Variants in NR3C2 observed in about 807,000 individuals in gnomAD.
The protein encoded by NR3C2 is nuclear receptor subfamily 3 group C member 2.
NR3C2 carries 15 observed loss-of-function variants against 86.4 expected under a neutral mutation model. That is an observed-to-expected ratio of 0.17 (90% CI 0.12 to 0.27). NR3C2 has a LOEUF of 0.27. NR3C2 is among the 10% of genes least tolerant of loss of function. The pLI, the probability that NR3C2 is intolerant of heterozygous loss-of-function variation, is 1.00. For synonymous variants in NR3C2, 458 were observed against 450.5 expected, an observed-to-expected ratio of 1.02 and a Z score of -0.21; for missense variants, 960 against 1,195.6, an observed-to-expected ratio of 0.80 and a Z score of 2.91.
At chr4:148,175,076 G>A (rs748300171) in intron 4 of NR3C2, among the ~76,000 whole-genome samples, 11 of 152,096 alleles carry the variant, frequency 7.2e-5, no homozygotes, top group Non-Finnish European at 1.3e-4. Context: ...TTGAAACATC[G>A]TATTCAGGGA....
chr4:148,322,267 T>A (rs1743649734), intron 2 of NR3C2, among the ~76,000 whole-genome samples: 1 of 149,776 alleles, frequency 6.7e-6, no homozygotes, highest in African/African-American at 2.5e-5. Flanking sequence ...CTGATGGGCT[T>A]CCCTTTGAGG....
At chr4:148,395,380 T>C (rs968315419) in intron 2 of NR3C2, among the ~76,000 whole-genome samples, 4 of 152,156 alleles carry the variant, frequency 2.6e-5, no homozygotes, top group Non-Finnish European at 1.5e-5. Context: ...ATCCTCACTC[T>C]GGGTTCTGGA....
intron 3 of NR3C2, among the ~76,000 whole-genome samples, chr4:148,216,253 T>C (rs1737530986): frequency 6.6e-6 from 1 of 151,894 alleles, no homozygotes. Flanking sequence ...TAGTTCCCAG[T>C]ACAAAAATAG....
chr4:148,365,567 G>A (rs1746071870), intron 2 of NR3C2, among the ~76,000 whole-genome samples: 1 of 151,994 alleles, frequency 6.6e-6, no homozygotes, highest in Non-Finnish European at 1.5e-5. Context: ...CAGATTGACA[G>A]GTATCAAAAT....
At chr4:148,379,251 T>G (rs1033076385) in intron 2 of NR3C2, among the ~76,000 whole-genome samples, 3 of 113,380 alleles carry the variant, frequency 2.6e-5, no homozygotes, top group Non-Finnish European at 4.1e-5. Flanking sequence ...AAATCAAGTG[T>G]TTTTTTTTTT....
Position 148,261,424 on chromosome 4 carries a change from A to C in NR3C2, c.1758-1307T>G, listed in dbSNP as rs557370088. Among the ~76,000 whole-genome samples, 1,233 of 150,766 alleles carry C rather than the reference A, an allele frequency of 8.2e-3. 10 individuals are homozygous for C. Among genetic ancestry groups the C allele is most frequent in the Non-Finnish European group, 0.012 (838 of 67,408 alleles). Reference sequence around the variant, plus strand: ...GGTCAGTGCTATGGTGCGCTATGGTAAGCGCTATGGTGCGCTACGGTCAGT... The same window carrying C: ...GGTCAGTGCTATGGTGCGCTATGGTCAGCGCTATGGTGCGCTACGGTCAGT... On this transcript the variant is annotated intron_variant, in intron 2 of 8. Coordinates refer to ENST00000358102, the MANE Select transcript of NR3C2 (RefSeq NM_000901.5).
chr4:148,091,231 G>A (rs1197592627), intron 8 of NR3C2, among the ~76,000 whole-genome samples: 1 of 152,240 alleles, frequency 6.6e-6, no homozygotes. Flanking sequence ...CCAAGCGGGG[G>A]CCCCAGTCAC....
In NR3C2 at chr4:148,081,138, G is replaced by C. The variant is rs984847993; in HGVS notation, c.*206C>G. 1 of 626,140 alleles carries C rather than the reference G, an allele frequency of 1.6e-6. No homozygotes were observed. Among genetic ancestry groups the C allele is most frequent in the African/African-American group, 1.8e-5 (1 of 54,584 alleles). 38.8% of individuals were successfully genotyped at this position (626,140 alleles called of 1,614,324 possible). On this transcript the variant is annotated 3_prime_UTR_variant, in exon 9 of 9. Transcript: ENST00000358102. ...CTAAGCGCTGGGGGATTGGAGGTGG[G>C]GAATCCTTCAGACTGCTCTGGTCTC...
At chr4:148,254,968 A>G (rs914948541) in intron 3 of NR3C2, among the ~76,000 whole-genome samples, 7 of 152,172 alleles carry the variant, frequency 4.6e-5, no homozygotes, top group African/African-American at 1.7e-4. Context: ...CTATAAGGAG[A>G]TAGCTATATT....
At chr4:148,145,293 C>T (rs1249852750) in intron 6 of NR3C2, among the ~76,000 whole-genome samples, 1 of 152,168 alleles carries the variant, frequency 6.6e-6, no homozygotes, top group Non-Finnish European at 1.5e-5. Flanking sequence ...ATTGTGCATG[C>T]TCCCTCCGAA....
At chr4:148,393,682 C>T (rs1747707934) in intron 2 of NR3C2, among the ~76,000 whole-genome samples, 1 of 152,178 alleles carries the variant, frequency 6.6e-6, no homozygotes, top group Non-Finnish European at 1.5e-5. Context: ...CAGGACTCAG[C>T]TTAAGGTAAA....
In NR3C2 at chr4:148,374,101, T is replaced by C. The variant is rs572259425; in HGVS notation, c.1757+61003A>G. On this transcript the variant is annotated intron_variant, in intron 2 of 8. Transcript: ENST00000358102. ...CAGAATTACCAAATATCCTAATCTG[T>C]AAGCCATTTTTACTCACATTCTCTC... Among the ~76,000 whole-genome samples the C allele has an allele frequency of 2.6e-5, 4 of 152,320 alleles. No homozygotes were observed. The East Asian group carries it at 5.8e-4, about 22-fold the overall frequency.
At chr4:148,248,419 A>G (rs1198071994) in intron 3 of NR3C2, among the ~76,000 whole-genome samples, 2 of 152,222 alleles carry the variant, frequency 1.3e-5, no homozygotes, top group Non-Finnish European at 2.9e-5. Context: ...TGGTTTTCCA[A>G]TTAAGTTGTG....
chr4:148,378,935 G>A (rs905289867), intron 2 of NR3C2, among the ~76,000 whole-genome samples: 17 of 152,150 alleles, frequency 1.1e-4, no homozygotes, highest in African/African-American at 1.4e-4. Flanking sequence ...AAACAAAATT[G>A]TGTTCAAATA....
chr4:148,218,240 A>C (rs561220462), intron 3 of NR3C2, among the ~76,000 whole-genome samples: 2 of 152,334 alleles, frequency 1.3e-5, no homozygotes, highest in South Asian at 4.1e-4. Context: ...AAATAGAAAT[A>C]AGATCTTAGT....
At chr4:148,412,943 C>T (rs1228021447) in intron 2 of NR3C2, among the ~76,000 whole-genome samples, 2 of 152,158 alleles carry the variant, frequency 1.3e-5, no homozygotes, top group Non-Finnish European at 2.9e-5. Context: ...ATCACTTGAG[C>T]TTTTCCAGTC....
intron 2 of NR3C2, among the ~76,000 whole-genome samples, chr4:148,323,257 C>G (rs574916948): frequency 8.5e-5 from 12 of 140,844 alleles, no homozygotes; most frequent in Non-Finnish European, 1.7e-4. Context: ...CAGCTGCGTG[C>G]TGGGAGAACC....
At chr4:148,412,470 G>T (rs1748754599) in intron 2 of NR3C2, among the ~76,000 whole-genome samples, 1 of 152,140 alleles carries the variant, frequency 6.6e-6, no homozygotes, top group Admixed American at 6.5e-5. Flanking sequence ...TTCACAGTTT[G>T]GAGATTCAGA....
At chr4:148,316,125 G>A (rs1010908110) in intron 2 of NR3C2, among the ~76,000 whole-genome samples, 8 of 151,918 alleles carry the variant, frequency 5.3e-5, no homozygotes, top group South Asian at 4.2e-4. Flanking sequence ...TTTTCATATC[G>A]AAAATGCTTA....
Sources: allele counts gnomAD v4.1 joint callset (sites outside exome capture counted in the v4.1 genomes callset), GRCh38; gene constraint gnomAD v4.1.1; transcripts MANE v1.5; gene names NCBI Gene and HGNC (gene_info 2026-07-23, HGNC 2026-07-21).